Variants in RAB3GAP1 observed in about 807,000 individuals in gnomAD.
The protein encoded by RAB3GAP1 is rab3 GTPase-activating protein catalytic subunit.
Under a neutral mutation model 130.7 loss-of-function variants are expected in RAB3GAP1, and 86 were observed. The ratio of observed to expected loss-of-function variants is 0.66; its 90% CI spans 0.55 to 0.79. The LOEUF is 0.79. RAB3GAP1 is among the 30% of genes least tolerant of loss of function. The probability of loss-of-function intolerance (pLI) is 0.00; values close to 1 mark genes in which losing one functional copy is unlikely to be tolerated. For synonymous variants in RAB3GAP1, 367 were observed against 401.7 expected, an observed-to-expected ratio of 0.91 and a Z score of 1.03; for missense variants, 1,029 against 1,169.4, an observed-to-expected ratio of 0.88 and a Z score of 1.75.
At chr2:135,150,762 G>A (rs993680250) in intron 18 of RAB3GAP1, among the ~76,000 whole-genome samples, 3 of 152,158 alleles carry the variant, frequency 2.0e-5, no homozygotes, top group Admixed American at 6.5e-5. Flanking sequence ...ATGTGAATTG[G>A]AGTGGTTTCT....
chr2:135,057,070 C>T (rs1022512345), intron 2 of RAB3GAP1, among the ~76,000 whole-genome samples: 3 of 152,116 alleles, frequency 2.0e-5, no homozygotes, highest in South Asian at 2.1e-4. Context: ...TTGACTGAGA[C>T]TTGACAGTTT....
chr2:135,061,002 C>T, intron 3 of RAB3GAP1, among the ~76,000 whole-genome samples: 1 of 113,870 alleles, frequency 8.8e-6, no homozygotes, highest in African/African-American at 4.9e-5. Context: ...CTGGGCCCAG[C>T]CTTTTTTTTT....
intron 17 of RAB3GAP1, chr2:135,137,353 G>A (rs1299771989): frequency 5.3e-6 from 1 of 190,194 alleles, no homozygotes; most frequent in African/African-American, 2.4e-5. Flanking sequence ...ACCACCTACA[G>A]TAAAAAGGAC....
At chr2:135,060,111 ATCACTTAATGTCAACAAT>A in intron 3 of RAB3GAP1, among the ~76,000 whole-genome samples, 1 of 152,314 alleles carries the variant, frequency 6.6e-6, no homozygotes, top group East Asian at 1.9e-4. Flanking sequence ...CCATGTACCC[ATCACTTAATGTCAACAAT>A]TAATACTTTG....
chr2:135,113,387 T>C (rs940204933), intron 6 of RAB3GAP1, 117 bp downstream of exon 6: 4 of 1,358,330 alleles, frequency 2.9e-6, no homozygotes, highest in Non-Finnish European at 4.1e-6. Context: ...AGTGCATATA[T>C]ATTGTTAAAC....
chr2:135,109,573 A>ATT (rs1295081700), intron 5 of RAB3GAP1, among the ~76,000 whole-genome samples: 1 of 145,746 alleles, frequency 6.9e-6, no homozygotes, highest in Admixed American at 6.9e-5. Context: ...TCCAAAAAAA[A>ATT]TTTTTTTTTT....
chr2:135,133,009 TA>T, intron 14 of RAB3GAP1, 25 bp downstream of exon 14: 1 of 1,288,252 alleles, frequency 7.8e-7, no homozygotes, highest in Non-Finnish European at 1.1e-6. Flanking sequence ...AGTTCAATGT[TA>T]AAATGTTTTA....
rs562963815 is a variant in RAB3GAP1 at position 135,105,750 on chromosome 2, C to T, written c.363-7401C>T. On this transcript the variant is annotated intron_variant, in intron 5 of 23. Transcript: ENST00000264158. ...GCTGCCCAGTCTGGGAAGTGAGGAG[C>T]GCCTCTTCCCAGCCGCCATCCTGTC... 3.3e-3 allele frequency among the ~76,000 whole-genome samples: 492 copies of T among 149,818 alleles called. 3 individuals carry two copies. Among genetic ancestry groups the T allele is most frequent in the African/African-American group, 0.011 (466 of 40,524 alleles).
At chr2:135,154,113 A>G (rs936990807) in intron 19 of RAB3GAP1, among the ~76,000 whole-genome samples, 1 of 152,206 alleles carries the variant, frequency 6.6e-6, no homozygotes, top group African/African-American at 2.4e-5. Flanking sequence ...GTCTCACAGT[A>G]TATGTTAAAA....
At chr2:135,166,928 G>T (rs1302097926) in intron 23 of RAB3GAP1, among the ~76,000 whole-genome samples, 1 of 152,098 alleles carries the variant, frequency 6.6e-6, no homozygotes, top group Non-Finnish European at 1.5e-5. Context: ...TTTAAGAAAA[G>T]ATTTTAAAGT....
intron 3 of RAB3GAP1, among the ~76,000 whole-genome samples, chr2:135,081,327 AATATATAT>A (rs1214688390): frequency 4.4e-4 from 28 of 64,044 alleles, no homozygotes; most frequent in African/African-American, 2.0e-3. Context: ...AAAAAAAAAA[AATATATAT>A]ATATATATAT....
intron 17 of RAB3GAP1, among the ~76,000 whole-genome samples, chr2:135,139,256 C>A (rs2104957987): frequency 6.6e-6 from 1 of 152,086 alleles, no homozygotes; most frequent in Admixed American, 6.5e-5. Context: ...GTGTACAGAT[C>A]TTGGCTGGGC....
At chr2:135,146,145 A>G (rs566717927) in intron 17 of RAB3GAP1, among the ~76,000 whole-genome samples, 8 of 148,896 alleles carry the variant, frequency 5.4e-5, no homozygotes, top group Admixed American at 2.7e-4. Context: ...AAATTTTAGT[A>G]TTAGAACAGA....
chr2:135,149,462 A>C (rs1167005038), intron 17 of RAB3GAP1, among the ~76,000 whole-genome samples: 1 of 152,236 alleles, frequency 6.6e-6, no homozygotes, highest in Non-Finnish European at 1.5e-5. Context: ...GCTGGGATTC[A>C]AGCACATAGC....
chr2:135,076,086 A>G (rs1436850224), intron 3 of RAB3GAP1, among the ~76,000 whole-genome samples: 1 of 151,258 alleles, frequency 6.6e-6, no homozygotes, highest in Non-Finnish European at 1.5e-5. Context: ...AATTTTTTGT[A>G]TTTTTAGTAG....
chr2:135,107,371 T>G (rs1250939992), intron 5 of RAB3GAP1, among the ~76,000 whole-genome samples: 1 of 147,678 alleles, frequency 6.8e-6, no homozygotes, highest in African/African-American at 2.7e-5. Context: ...CACTATATTG[T>G]TGGGTTTATA....
intron 11 of RAB3GAP1, among the ~76,000 whole-genome samples, chr2:135,127,042 A>G (rs181327367): frequency 6.6e-6 from 1 of 151,626 alleles, no homozygotes; most frequent in East Asian, 2.0e-4. Context: ...TGCCTGGCTA[A>G]TTTTTTGTAT....
intron 7 of RAB3GAP1, 67 bp downstream of exon 7, chr2:135,115,448 A>G: frequency 1.4e-6 from 2 of 1,472,218 alleles, no homozygotes; most frequent in East Asian, 2.3e-5. Flanking sequence ...TGATCATTTT[A>G]TTCAGCATAT....
intron 3 of RAB3GAP1, among the ~76,000 whole-genome samples, chr2:135,080,853 C>T (rs1430646345): frequency 1.3e-5 from 2 of 152,094 alleles, no homozygotes; most frequent in Non-Finnish European, 2.9e-5. Flanking sequence ...GACTGAGCCT[C>T]GATATCATTC....
Sources: allele counts gnomAD v4.1 joint callset (sites outside exome capture counted in the v4.1 genomes callset), GRCh38; gene constraint gnomAD v4.1.1; transcripts MANE v1.5; gene names NCBI Gene and HGNC (gene_info 2026-07-23, HGNC 2026-07-21).